Variants in TMEM132C observed in about 807,000 individuals in gnomAD.
TMEM132C encodes protein phosphatase 1, regulatory subunit 152.
Under a neutral mutation model 61.4 loss-of-function variants are expected in TMEM132C, and 29 were observed. The ratio of observed to expected loss-of-function variants is 0.47; its 90% CI spans 0.35 to 0.64. TMEM132C has a LOEUF of 0.64. Among genes scored for constraint, TMEM132C ranks in the 30% least tolerant of loss-of-function variants. TMEM132C has a pLI of 0.00. For synonymous variants in TMEM132C, 656 were observed against 633.1 expected (o/e 1.04, Z -0.54); for missense variants, 1,408 against 1,476.9 (o/e 0.95, Z 0.76).
At chr12:128,299,762 A>G (rs187549330) in intron 1 of TMEM132C, among the ~76,000 whole-genome samples, 15 of 152,346 alleles carry the variant, frequency 9.8e-5, no homozygotes, top group African/African-American at 3.4e-4. Context: ...CTAAAGCTGC[A>G]TGCAGCCCAG....
At chr12:128,400,033 CCTT>C (rs1333649026) in intron 1 of TMEM132C, 1 of 152,238 alleles carries the variant, frequency 6.6e-6, no homozygotes, top group Non-Finnish European at 1.5e-5. Context: ...TATGCTGACT[CCTT>C]CTTTATATGA....
At chr12:128,683,988 A>AAATAAATT (rs1217385416) in intron 5 of TMEM132C, among the ~76,000 whole-genome samples, 1 of 151,132 alleles carries the variant, frequency 6.6e-6, no homozygotes, top group African/African-American at 2.4e-5. Context: ...ATAAATAAAT[A>AAATAAATT]AATAAATAAA....
At chr12:128,333,649 TGA>T (rs1441367141) in intron 1 of TMEM132C, among the ~76,000 whole-genome samples, 2 of 151,702 alleles carry the variant, frequency 1.3e-5, no homozygotes, top group African/African-American at 2.4e-5. Context: ...GTTGTATGTG[TGA>T]GAGTTTATGG....
intron 2 of TMEM132C, among the ~76,000 whole-genome samples, chr12:128,534,282 T>G (rs1873440573): frequency 6.6e-6 from 1 of 152,196 alleles, no homozygotes; most frequent in African/African-American, 2.4e-5. Context: ...GTAGATGGCG[T>G]GAGCCCCGTT....
chr12:128,586,236 G>A (rs1016392672), intron 3 of TMEM132C, among the ~76,000 whole-genome samples: 4 of 151,830 alleles, frequency 2.6e-5, no homozygotes, highest in Non-Finnish European at 4.4e-5. Flanking sequence ...GCATGCATGG[G>A]TCCCATTTAA....
chr12:128,327,358 CTTGGTTTGTTTG>C (rs967355092), intron 1 of TMEM132C, among the ~76,000 whole-genome samples: 8 of 141,808 alleles, frequency 5.6e-5, no homozygotes, highest in African/African-American at 2.4e-4. Flanking sequence ...CGGGGCGCAG[CTTGGTTTGTTTG>C]TTTGTTTGTT....
At chr12:128,685,336 G>A (rs888025126) in intron 5 of TMEM132C, among the ~76,000 whole-genome samples, 1 of 152,216 alleles carries the variant, frequency 6.6e-6, no homozygotes, top group Non-Finnish European at 1.5e-5. Context: ...TGTTCAAGAT[G>A]ATTGCAATTT....
rs140443993 is a variant in TMEM132C, at chr12:128,508,276, A to T, written c.975-35681A>T. 1.3e-3 allele frequency among the ~76,000 whole-genome samples: 193 copies of T among 152,176 alleles called. 2 individuals carry two copies. Among genetic ancestry groups the T allele is most frequent in the African/African-American group, 4.3e-3 (179 of 41,504 alleles). ...CTACCATGAGAACGGTATGGGGGAA[A>T]CCGCCTCCGTGATTCAGTTATCGCC... is the stretch of plus-strand genomic sequence containing the variant. On this transcript the variant is annotated intron_variant, in intron 2 of 8. Transcript: ENST00000435159.
At chr12:128,635,779 C>T (rs1312615397) in intron 4 of TMEM132C, among the ~76,000 whole-genome samples, 1 of 152,176 alleles carries the variant, frequency 6.6e-6, no homozygotes. Context: ...CCAGCGCTCC[C>T]AGGTGGATGT....
chr12:128,530,782 T>C (rs1039389539), intron 2 of TMEM132C, among the ~76,000 whole-genome samples: 3 of 152,348 alleles, frequency 2.0e-5, no homozygotes, highest in East Asian at 1.9e-4. Flanking sequence ...CCTCATTCCA[T>C]GTAAATGTAA....
At chr12:128,462,543 A>G (rs755118335) in intron 2 of TMEM132C, among the ~76,000 whole-genome samples, 6 of 152,184 alleles carry the variant, frequency 3.9e-5, no homozygotes, top group Admixed American at 2.6e-4. Flanking sequence ...GAATATTTTT[A>G]TAGAAACAAA....
chr12:128,390,182 T>C (rs1874718346), intron 1 of TMEM132C, among the ~76,000 whole-genome samples: 1 of 152,178 alleles, frequency 6.6e-6, no homozygotes, highest in Non-Finnish European at 1.5e-5. Context: ...GTTATTCGTT[T>C]TCTGGGCTAC....
chr12:128,629,364 T>A (rs1283545447), intron 4 of TMEM132C, among the ~76,000 whole-genome samples: 2 of 152,060 alleles, frequency 1.3e-5, no homozygotes. Context: ...AAAAAATTTT[T>A]TAAAAATGAG....
At chr12:128,470,319 G>A (rs116050439) in intron 2 of TMEM132C, among the ~76,000 whole-genome samples, 2,639 of 152,294 alleles carry the variant, frequency 0.017, 82 homozygotes, top group African/African-American at 0.061. Flanking sequence ...CATTTGTCGC[G>A]TGTCCTCTGA....
At chr12:128,587,628 G>A (rs980127249) in intron 3 of TMEM132C, among the ~76,000 whole-genome samples, 44 of 152,222 alleles carry the variant, frequency 2.9e-4, no homozygotes, top group African/African-American at 9.6e-4. Context: ...GAATGTGATT[G>A]CATCTATTGC....
chr12:128,543,484 G>C (rs998172583), intron 2 of TMEM132C, among the ~76,000 whole-genome samples: 4 of 152,114 alleles, frequency 2.6e-5, no homozygotes, highest in African/African-American at 9.7e-5. Context: ...CTGTGTGGTG[G>C]GGCTTTCAAG....
At chr12:128,581,060 T>C (rs1422007179) in intron 3 of TMEM132C, among the ~76,000 whole-genome samples, 1 of 152,074 alleles carries the variant, frequency 6.6e-6, no homozygotes, top group Admixed American at 6.6e-5. Flanking sequence ...CTCCAGAAGC[T>C]GAGGGTCTTA....
Position 128,353,292 on chromosome 12 carries a change from G to C in TMEM132C, c.86-61440G>C, listed in dbSNP as rs1046255296. On this transcript the variant is annotated intron_variant, in intron 1 of 8. Transcript: ENST00000435159. ...CTTGAGCAAACACCTGCTTCTCCCTGTCTGGAGGAGAAAGACCAGAGATGT... is the reference window on the plus strand; with the variant it reads ...CTTGAGCAAACACCTGCTTCTCCCTCTCTGGAGGAGAAAGACCAGAGATGT... Among the ~76,000 whole-genome samples the C allele has an allele frequency of 2.0e-5, 3 of 152,306 alleles. No homozygotes were observed. In the East Asian group the frequency reaches 5.8e-4, roughly 29 times the overall value.
At chr12:128,485,358 T>A (rs1249721024) in intron 2 of TMEM132C, among the ~76,000 whole-genome samples, 1 of 152,036 alleles carries the variant, frequency 6.6e-6, no homozygotes, top group African/African-American at 2.4e-5. Context: ...TGTATTTTTA[T>A]TACAGACAGG....
Sources: allele counts gnomAD v4.1 joint callset (sites outside exome capture counted in the v4.1 genomes callset), GRCh38; gene constraint gnomAD v4.1.1; transcripts MANE v1.5; gene names NCBI Gene and HGNC (gene_info 2026-07-23, HGNC 2026-07-21).